Variants in PRKCI observed in about 807,000 individuals in gnomAD.
PRKCI encodes protein kinase C iota type.
A neutral mutation model predicts 84.0 loss-of-function variants in PRKCI; 43 were observed. That is an observed-to-expected ratio of 0.51 (90% CI 0.40 to 0.66). The LOEUF (loss-of-function observed/expected upper bound fraction) is 0.66. Ranked by LOEUF, PRKCI falls within the 30% of genes least tolerant of loss-of-function variation. PRKCI has a pLI of 0.00. For missense variants in PRKCI, 459 were observed against 745.6 expected, an observed-to-expected ratio of 0.62 and a Z score of 4.48; for synonymous variants, 216 against 234.4, an observed-to-expected ratio of 0.92 and a Z score of 0.72.
chr3:170,278,654 T>TTAAA (rs939597286), intron 8 of PRKCI, among the ~76,000 whole-genome samples: 8 of 152,292 alleles, frequency 5.3e-5, no homozygotes, highest in East Asian at 1.9e-4. Context: ...AGACCTTTTC[T>TTAAA]TAAATAAATA....
chr3:170,298,445 C>T (rs569714687), intron 16 of PRKCI, among the ~76,000 whole-genome samples: 1 of 147,028 alleles, frequency 6.8e-6, no homozygotes, highest in Non-Finnish European at 1.5e-5. Flanking sequence ...TGCTCTGTCT[C>T]CCAGGCTGGA....
At chr3:170,273,079 ATTTTC>A (rs770901578) in intron 6 of PRKCI, among the ~76,000 whole-genome samples, 39 of 152,290 alleles carry the variant, frequency 2.6e-4, no homozygotes, top group Non-Finnish European at 5.1e-4. Flanking sequence ...TTAGTTTTGT[ATTTTC>A]TTTTCTGTAA....
At chr3:170,235,589 G>A (rs568068110) in intron 2 of PRKCI, among the ~76,000 whole-genome samples, 3 of 139,580 alleles carry the variant, frequency 2.1e-5, no homozygotes, top group Admixed American at 7.0e-5. Flanking sequence ...TTTTTGAGAC[G>A]GAGTCTCGCT....
In PRKCI at chr3:170,222,454, TGTAGAGGCGGCG is replaced by T; in HGVS notation, c.-214_-203del. On this transcript the variant is annotated 5_prime_UTR_variant, in exon 1 of 18. Coordinates refer to ENST00000295797, the MANE Select transcript of PRKCI (RefSeq NM_002740.6). The stretch of plus-strand genomic sequence containing the variant: ...AGGAGGTGTCTTGGGCCCGGGCGGC[TGTAGAGGCGGCG>T]GCGCCTACGGGCAGTGGGAGGAGCC... 2.2e-6 allele frequency: 1 copy of T among 458,662 alleles called. No homozygotes were observed. The highest frequency in any genetic ancestry group is 2.1e-5 in the African/African-American group (1 of 48,748). 28.4% of individuals were successfully genotyped at this position (458,662 alleles called of 1,614,324 possible).
intron 14 of PRKCI, 102 bp from the exon 15 acceptor site, chr3:170,295,809 C>T: frequency 1.8e-6 from 1 of 560,894 alleles, no homozygotes; most frequent in Non-Finnish European, 2.9e-6. Flanking sequence ...TGCATCACTG[C>T]ACTCCAACCT....
chr3:170,301,125 A>G (rs1734808561), intron 17 of PRKCI, among the ~76,000 whole-genome samples: 1 of 152,194 alleles, frequency 6.6e-6, no homozygotes, highest in Admixed American at 6.5e-5. Flanking sequence ...AGACAGTCTG[A>G]TCTCCCCAAA....
chr3:170,266,418 A>T (rs1376227210), intron 4 of PRKCI, among the ~76,000 whole-genome samples: 1 of 152,200 alleles, frequency 6.6e-6, no homozygotes, highest in Non-Finnish European at 1.5e-5. Flanking sequence ...ATGAAAAGTA[A>T]TGAGATAAGA....
intron 15 of PRKCI, 87 bp from the exon 16 acceptor site, chr3:170,297,217 T>C: frequency 1.9e-6 from 2 of 1,048,842 alleles, no homozygotes; most frequent in African/African-American, 1.6e-5. Flanking sequence ...AAGAGTATCA[T>C]GTGAGGGCAC....
intron 5 of PRKCI, 132 bp downstream of exon 5, chr3:170,268,132 C>A: frequency 1.5e-6 from 1 of 679,804 alleles, no homozygotes; most frequent in Non-Finnish European, 2.4e-6. Context: ...CCTTACATTT[C>A]CAGTTTGCCT....
intron 10 of PRKCI, 106 bp from the exon 11 acceptor site, chr3:170,281,776 A>G: frequency 7.1e-7 from 1 of 1,414,476 alleles, no homozygotes; most frequent in Non-Finnish European, 9.3e-7. Flanking sequence ...ATCTTTTTAA[A>G]GGCTAAATAG....
chr3:170,272,548 T>C (rs561199237), intron 6 of PRKCI, among the ~76,000 whole-genome samples: 1 of 152,340 alleles, frequency 6.6e-6, no homozygotes, highest in Non-Finnish European at 1.5e-5. Context: ...TGAGTATTCT[T>C]TGGTGACATA....
rs759396352 is a variant in PRKCI, at chr3:170,273,298, CCCATGGATCAGTCAT to C, written c.610_624del (p.Asp204_Met208del). 11 of 1,613,306 alleles carry C rather than the reference CCCATGGATCAGTCAT, an allele frequency of 6.8e-6. No individual in the cohort carries two copies. The highest frequency in any genetic ancestry group is 8.5e-6 in the Non-Finnish European group (10 of 1,179,548). On this transcript the variant is annotated inframe_deletion, in exon 7 of 18. Coordinates refer to ENST00000295797, the MANE Select transcript of PRKCI (RefSeq NM_002740.6). Reference sequence around the variant, plus strand: ...GAAATGTTTGTAGGAACCAGTGATGCCCATGGATCAGTCATCCATGCATTCTGACCATGCACAGAC... The same window carrying C: ...GAAATGTTTGTAGGAACCAGTGATGCCCATGCATTCTGACCATGCACAGAC...
chr3:170,296,869 G>A (rs1272621785), intron 15 of PRKCI, among the ~76,000 whole-genome samples: 1 of 152,148 alleles, frequency 6.6e-6, no homozygotes, highest in East Asian at 1.9e-4. Context: ...TCAGATAATG[G>A]TTGTATCATT....
chr3:170,276,298 T>TTAGTTAAAACAGCTATCAATTCA (rs935763991), intron 8 of PRKCI, among the ~76,000 whole-genome samples: 14 of 152,124 alleles, frequency 9.2e-5, no homozygotes, highest in African/African-American at 3.4e-4. Context: ...GTATCTATTG[T>TTAGTTAAAACAGCTATCAATTCA]TAGTTAAAAC....
intron 17 of PRKCI, among the ~76,000 whole-genome samples, chr3:170,301,220 A>G (rs1383317218): frequency 6.6e-6 from 1 of 152,200 alleles, no homozygotes; most frequent in Non-Finnish European, 1.5e-5. Flanking sequence ...ACTGGATTTA[A>G]TCAAAAGATA....
At chr3:170,274,233 G>A (rs138688021) in intron 7 of PRKCI, among the ~76,000 whole-genome samples, 203 of 152,206 alleles carry the variant, frequency 1.3e-3, no homozygotes, top group African/African-American at 4.2e-3. Context: ...CCAGGTTCAA[G>A]TGATTCTCCT....
At chr3:170,291,782 G>A (rs1477937353) in intron 12 of PRKCI, 72 bp from the exon 13 acceptor site, 4 of 1,184,418 alleles carry the variant, frequency 3.4e-6, no homozygotes, top group East Asian at 4.7e-5. Context: ...TATATGATAG[G>A]TGAAATAGAA....
chr3:170,244,509 G>A (rs1733219731), intron 2 of PRKCI, among the ~76,000 whole-genome samples: 1 of 152,122 alleles, frequency 6.6e-6, no homozygotes, highest in African/African-American at 2.4e-5. Flanking sequence ...TCTTCATCTG[G>A]CTGTTCATTT....
chr3:170,265,094 CAGG>C (rs1302485100), intron 4 of PRKCI, among the ~76,000 whole-genome samples: 1 of 151,470 alleles, frequency 6.6e-6, no homozygotes, highest in Non-Finnish European at 1.5e-5. Context: ...GAGGCTGAGG[CAGG>C]AGAATTGCTT....
Sources: gnomAD v4.1 joint callset for allele counts (sites outside exome capture counted in the v4.1 genomes callset) on GRCh38, gnomAD v4.1.1 for gene constraint, MANE v1.5 for transcripts, NCBI Gene and HGNC (gene_info 2026-07-23, HGNC 2026-07-21) for gene names.